Variants in PIK3CD observed in about 807,000 individuals in gnomAD.
PIK3CD encodes the protein phosphatidylinositol 4,5-bisphosphate 3-kinase catalytic subunit delta isoform.
A neutral mutation model predicts 122.9 loss-of-function variants in PIK3CD; 20 were observed. That is an observed-to-expected ratio of 0.16 (90% CI 0.11 to 0.24). The LOEUF (loss-of-function observed/expected upper bound fraction) is 0.24. PIK3CD is among the 10% of genes least tolerant of loss of function. PIK3CD has a pLI of 1.00. For synonymous variants in PIK3CD, 596 were observed against 593.4 expected (o/e 1.00, Z -0.06); for missense variants, 787 against 1,406.3 (o/e 0.56, Z 7.04).
At chr1:9,661,123 T>C (rs908637775) in intron 1 of PIK3CD, among the ~76,000 whole-genome samples, 1 of 152,072 alleles carries the variant, frequency 6.6e-6, no homozygotes, top group Admixed American at 6.6e-5. Flanking sequence ...TTAGTAGAGA[T>C]GGGGTTTCAT....
At position 9,704,165 on chromosome 1, in the gene PIK3CD, C is replaced by T. The variant is rs1186044391; in HGVS notation, c.-32-6259C>T. ...TGTCCTGTCTCACTGGTGACAGGAC[C>T]TGGCATTTGATGTCCTGTGCAGACC... is the stretch of plus-strand genomic sequence containing the variant. On this transcript the variant is annotated intron_variant, in intron 2 of 23. Coordinates refer to ENST00000377346, the MANE Select transcript of PIK3CD (RefSeq NM_005026.5). This position sits in a 1 kb window ranked among gnomAD's most constrained non-coding sequence, Gnocchi z 5.0. Among the ~76,000 whole-genome samples the T allele has an allele frequency of 6.6e-6, 1 of 152,200 alleles. No individual in the cohort carries two copies. The highest frequency in any genetic ancestry group is 1.9e-4 in the East Asian group (1 of 5,196).
chr1:9,645,488 C>T, the PIK3CD span, among the ~76,000 whole-genome samples: 489 of 151,192 alleles, frequency 3.2e-3, 3 homozygotes, highest in Non-Finnish European at 5.5e-3. Context: ...GATGAAGCTT[C>T]GCTCTTGTTG....
chr1:9,694,118 C>T (rs1191340665), intron 2 of PIK3CD, among the ~76,000 whole-genome samples: 1 of 152,146 alleles, frequency 6.6e-6, no homozygotes, highest in Non-Finnish European at 1.5e-5. Flanking sequence ...GGGTAGCTCC[C>T]CGAACACCGC....
chr1:9,645,637 G>A, the PIK3CD span, among the ~76,000 whole-genome samples: 51 of 139,018 alleles, frequency 3.7e-4, 1 homozygote, highest in South Asian at 0.01. Flanking sequence ...ACAGAGTTTC[G>A]CTCTTGTTGC....
intron 3 of PIK3CD, among the ~76,000 whole-genome samples, chr1:9,714,595 C>A (rs1263720928): frequency 6.6e-6 from 1 of 152,140 alleles, no homozygotes. Flanking sequence ...CACCTTGGAC[C>A]CCTCCAGGCC....
rs1456369585 is a variant in PIK3CD, at chr1:9,729,085, A to T, written c.*2039A>T. 6.6e-6 allele frequency: 1 copy of T among 152,182 alleles called. No individual in the cohort carries two copies. The highest frequency in any genetic ancestry group is 1.5e-5 in the Non-Finnish European group (1 of 68,034). 9.4% of individuals were successfully genotyped at this position (152,182 alleles called of 1,614,324 possible). ...ACTTTCTGACCTATCATGAGTATACACATCTGCGAAGGGAAACCGCGCGGC... is the reference window on the plus strand; with the variant it reads ...ACTTTCTGACCTATCATGAGTATACTCATCTGCGAAGGGAAACCGCGCGGC... On this transcript the variant is annotated 3_prime_UTR_variant, in exon 24 of 24. Transcript: ENST00000377346.
the PIK3CD span, among the ~76,000 whole-genome samples, chr1:9,631,223 C>T: frequency 6.6e-6 from 1 of 152,196 alleles, no homozygotes; most frequent in African/African-American, 2.4e-5. Context: ...TGTGTGGTCC[C>T]AAGCCCACCT....
rs115132217 is a variant in PIK3CD at position 9,708,872 on chromosome 1, A to T, written c.-32-1552A>T. Among the ~76,000 whole-genome samples the T allele has an allele frequency of 5.4e-3, 826 of 152,204 alleles. 1 individual carries two copies. The highest frequency in any genetic ancestry group is 9.5e-3 in the Non-Finnish European group (644 of 68,008). ...AACAAAAAACATGTATGGAAATGAT[A>T]AACAACCAGACTCCAGGTACTGCTA... is the stretch of plus-strand genomic sequence containing the variant. On this transcript the variant is annotated intron_variant, in intron 2 of 23. Transcript: ENST00000377346.
chr1:9,726,315 T>C (rs1570409804), intron 23 of PIK3CD, among the ~76,000 whole-genome samples: 2 of 152,152 alleles, frequency 1.3e-5, no homozygotes, highest in South Asian at 4.1e-4. Flanking sequence ...GAGACCATCC[T>C]GGCTAACACG....
intron 2 of PIK3CD, among the ~76,000 whole-genome samples, chr1:9,701,457 A>C (rs1248295049): frequency 1.3e-5 from 2 of 152,132 alleles, no homozygotes; most frequent in African/African-American, 2.4e-5. Context: ...AGATCACCTG[A>C]GGTCAGGGGT....
intron 1 of PIK3CD, among the ~76,000 whole-genome samples, chr1:9,656,080 T>C (rs909001160): frequency 6.6e-6 from 1 of 152,124 alleles, no homozygotes; most frequent in African/African-American, 2.4e-5. Flanking sequence ...TGGCTTCTGT[T>C]TCACTCATAT....
At chr1:9,629,158 G>A in the PIK3CD span, among the ~76,000 whole-genome samples, 2 of 152,078 alleles carry the variant, frequency 1.3e-5, no homozygotes, top group South Asian at 4.1e-4. Flanking sequence ...TTGCGGCCCC[G>A]GGAGGAAAGG....
At chr1:9,654,769 G>A (rs1357417481) in intron 1 of PIK3CD, among the ~76,000 whole-genome samples, 3 of 152,240 alleles carry the variant, frequency 2.0e-5, no homozygotes, top group Admixed American at 6.5e-5. Flanking sequence ...CCTTCAGAAG[G>A]CTCTTTCAGG....
At position 9,722,637 on chromosome 1, in the gene PIK3CD, G is replaced by A; in HGVS notation, c.2426+31G>A. The A allele has an allele frequency of 6.3e-7, 1 of 1,578,404 alleles. No individual in the cohort carries two copies. The highest frequency in any genetic ancestry group is 8.7e-7 in the Non-Finnish European group (1 of 1,147,888). On this transcript the variant is annotated intron_variant, in intron 19 of 23. Coordinates refer to ENST00000377346, the MANE Select transcript of PIK3CD (RefSeq NM_005026.5). The surrounding 1 kb of genome is among the most constrained non-coding windows in gnomAD (Gnocchi z 7.6). Reference sequence around the variant, plus strand: ...GACCCCCACCCCACATCGTCCCTTGGTGTCTGTGCCCAGCCTGGGAGTCTG... The same window carrying A: ...GACCCCCACCCCACATCGTCCCTTGATGTCTGTGCCCAGCCTGGGAGTCTG...
intron 3 of PIK3CD, among the ~76,000 whole-genome samples, chr1:9,715,000 A>G (rs1233925639): frequency 6.6e-6 from 1 of 151,964 alleles, no homozygotes; most frequent in Non-Finnish European, 1.5e-5. Context: ...GCGAAACCCC[A>G]TCTCTACTAA....
At chr1:9,675,792 G>T (rs1277700867) in intron 1 of PIK3CD, among the ~76,000 whole-genome samples, 3 of 151,594 alleles carry the variant, frequency 2.0e-5, no homozygotes, top group Non-Finnish European at 4.4e-5. Context: ...TAGAAACAGG[G>T]TCTCGCTGTG....
At chr1:9,672,604 C>CCTCATATTCAGAGCCAAGGAAA (rs1557606797) in intron 1 of PIK3CD, 3 of 151,962 alleles carry the variant, frequency 2.0e-5, no homozygotes, top group Non-Finnish European at 4.4e-5. Flanking sequence ...TTTTCATTTT[C>CCTCATATTCAGAGCCAAGGAAA]GGTAGAGACA....
intron 1 of PIK3CD, among the ~76,000 whole-genome samples, chr1:9,680,061 G>A (rs1645691767): frequency 6.6e-6 from 1 of 152,160 alleles, no homozygotes; most frequent in Admixed American, 6.6e-5. Context: ...TTAACCTCAG[G>A]TGATCCACCC....
chr1:9,674,984 C>G, intron 1 of PIK3CD, among the ~76,000 whole-genome samples: 1 of 133,368 alleles, frequency 7.5e-6, no homozygotes, highest in Non-Finnish European at 1.5e-5. Flanking sequence ...TGCAGCGAGC[C>G]GAGATTGCAC....
Sources: allele counts gnomAD v4.1 joint callset (sites outside exome capture counted in the v4.1 genomes callset), GRCh38; gene constraint gnomAD v4.1.1; non-coding constraint Gnocchi (gnomAD v3.1); transcripts MANE v1.5; gene names NCBI Gene and HGNC (gene_info 2026-07-23, HGNC 2026-07-21).